Variants in UBLCP1 observed in about 807,000 individuals in gnomAD.
UBLCP1 encodes the protein ubiquitin-like domain-containing CTD phosphatase 1.
UBLCP1 carries 28 observed loss-of-function variants against 42.4 expected under a neutral mutation model. The ratio of observed to expected loss-of-function variants is 0.66; its 90% CI spans 0.49 to 0.90. UBLCP1 has a LOEUF of 0.90. Ranked by LOEUF, UBLCP1 falls within the 40% of genes least tolerant of loss-of-function variation. UBLCP1 has a pLI of 0.00. For missense variants in UBLCP1, 279 were observed against 374.5 expected, an observed-to-expected ratio of 0.75 and a Z score of 2.10; for synonymous variants, 122 against 120.8, an observed-to-expected ratio of 1.01 and a Z score of -0.07.
intron 9 of UBLCP1, among the ~76,000 whole-genome samples, chr5:159,282,754 A>C (rs1341231937): frequency 6.6e-6 from 1 of 152,114 alleles, no homozygotes; most frequent in East Asian, 1.9e-4. Context: ...ATGTATAATG[A>C]TATCTCAGCT....
In UBLCP1 at chr5:159,285,058, A is replaced by C; in HGVS notation, c.*127A>C. 1 of 835,978 alleles carries C rather than the reference A, an allele frequency of 1.2e-6. No homozygotes were observed. Among genetic ancestry groups the C allele is most frequent in the South Asian group, 1.7e-5 (1 of 58,148 alleles). 51.8% of individuals were successfully genotyped at this position (835,978 alleles called of 1,614,324 possible). A position where few individuals can be genotyped will look rare whatever the true frequency, so the allele number is the denominator to read the frequency against. On this transcript the variant is annotated 3_prime_UTR_variant, in exon 11 of 11. Transcript: ENST00000296786. ...CCATACTGCTTATACTTGGTCTTCC[A>C]GTTTTTTGTAAATTTAATTTTATAT...
At chr5:159,267,198 G>T (rs1753408623) in intron 1 of UBLCP1, among the ~76,000 whole-genome samples, 1 of 152,238 alleles carries the variant, frequency 6.6e-6, no homozygotes, top group Non-Finnish European at 1.5e-5. Flanking sequence ...AGCCACAGGG[G>T]TGGAGCTATC....
At chr5:159,268,365 A>G (rs1021568028) in intron 1 of UBLCP1, among the ~76,000 whole-genome samples, 6 of 152,236 alleles carry the variant, frequency 3.9e-5, no homozygotes, top group Non-Finnish European at 5.9e-5. Context: ...CCTAAGAAGT[A>G]GGTAGTATCA....
At chr5:159,264,907 C>T (rs1013214977) in intron 1 of UBLCP1, among the ~76,000 whole-genome samples, 3 of 152,172 alleles carry the variant, frequency 2.0e-5, no homozygotes, top group Non-Finnish European at 2.9e-5. Flanking sequence ...ACAATATATG[C>T]GATATTAGTG....
At chr5:159,274,559 T>A (rs773364624) in intron 6 of UBLCP1, 26 bp from the exon 7 acceptor site, 1 of 1,600,844 alleles carries the variant, frequency 6.2e-7, no homozygotes, top group Non-Finnish European at 8.5e-7. Context: ...TTCATATGTA[T>A]TGTATTATCA....
chr5:159,279,017 A>G (rs1479345662), intron 9 of UBLCP1, among the ~76,000 whole-genome samples: 1 of 152,238 alleles, frequency 6.6e-6, no homozygotes, highest in East Asian at 1.9e-4. Flanking sequence ...GAGAAATGGC[A>G]GTAAGGGTAC....
chr5:159,270,302 C>T (rs2113312317), intron 3 of UBLCP1, 58 bp from the exon 4 acceptor site: 2 of 1,312,000 alleles, frequency 1.5e-6, no homozygotes, highest in Non-Finnish European at 2.2e-6. Flanking sequence ...TTATGCTATG[C>T]ATGTATTTGT....
At chr5:159,275,828 G>A (rs1753529155) in intron 8 of UBLCP1, among the ~76,000 whole-genome samples, 1 of 152,142 alleles carries the variant, frequency 6.6e-6, no homozygotes, top group Admixed American at 6.5e-5. Flanking sequence ...CAATGTTACT[G>A]GGCAGAGTAG....
At chr5:159,271,240 T>A (rs188834567) in intron 5 of UBLCP1, among the ~76,000 whole-genome samples, 331 of 151,948 alleles carry the variant, frequency 2.2e-3, no homozygotes, top group Non-Finnish European at 3.5e-3. Context: ...GTGGGAGGAT[T>A]GCTTGAGCTC....
chr5:159,265,926 C>G (rs1753385980), intron 1 of UBLCP1, among the ~76,000 whole-genome samples: 1 of 152,140 alleles, frequency 6.6e-6, no homozygotes, highest in Admixed American at 6.6e-5. Context: ...TAAGGTGATT[C>G]ACCTGCCTCA....
intron 3 of UBLCP1, 92 bp downstream of exon 3, chr5:159,270,091 T>C: frequency 7.8e-6 from 9 of 1,152,996 alleles, no homozygotes; most frequent in Non-Finnish European, 1.1e-5. Context: ...GTGGTAAAAT[T>C]GTCAGTCTAG....
chr5:159,266,517 G>C (rs7734208), intron 1 of UBLCP1, among the ~76,000 whole-genome samples: 133,159 of 152,280 alleles, frequency 0.87, 58,470 homozygotes, highest in East Asian at 1. Context: ...AAAGAAAAAC[G>C]CATTTTCTGT....
intron 9 of UBLCP1, among the ~76,000 whole-genome samples, chr5:159,282,823 A>G (rs1162195852): frequency 6.6e-6 from 1 of 152,128 alleles, no homozygotes; most frequent in Non-Finnish European, 1.5e-5. Context: ...ATCTCACTGT[A>G]CTGTTAGATC....
Position 159,268,796 on chromosome 5 carries a change from C to A in UBLCP1, c.-46-74C>A, listed in dbSNP as rs909040464. 6 of 1,107,366 alleles carry A rather than the reference C, an allele frequency of 5.4e-6. No homozygotes were observed. The African/African-American group carries it at 6.6e-5, about 12-fold the overall frequency. 68.6% of individuals were successfully genotyped at this position (1,107,366 alleles called of 1,614,324 possible). A position where few individuals can be genotyped will look rare whatever the true frequency, so the allele number is the denominator to read the frequency against. ...GTTGTAAAATAAGGCTTAAACTGTA[C>A]ACATAAAACTTAAAAGTTTGGCTTC... On this transcript the variant is annotated intron_variant, in intron 1 of 10. Coordinates refer to ENST00000296786, the MANE Select transcript of UBLCP1 (RefSeq NM_145049.5).
Position 159,272,041 on chromosome 5 carries a change from A to G in UBLCP1, c.467A>G (p.Glu156Gly), listed in dbSNP as rs1753473912. ...CTTTTAGACCACAGGTCTTGTGCAG[A>G]GACTGGGGTAGAATTAATGCGGCCA... ...YTLFDHRSCA[E>G]TGVELMRPYL... Residue 156 changes from glutamate to glycine, a missense_variant, in exon 6 of 11, where the codon GAG becomes GGG. By Grantham distance (98) the Glu-to-Gly change is moderately conservative. Transcript: ENST00000296786. 6.2e-7 allele frequency: 1 copy of G among 1,612,976 alleles called. No individual in the cohort carries two copies. The highest frequency in any genetic ancestry group is 1.7e-5 in the Admixed American group (1 of 59,984).
intron 9 of UBLCP1, 123 bp downstream of exon 9, chr5:159,278,477 GAA>G: frequency 1.3e-6 from 1 of 746,404 alleles, no homozygotes; most frequent in Non-Finnish European, 2.4e-6. Context: ...TCATAGGCGA[GAA>G]AAGTTTAAGA....
At chr5:159,266,057 A>G (rs547664482) in intron 1 of UBLCP1, among the ~76,000 whole-genome samples, 1 of 152,334 alleles carries the variant, frequency 6.6e-6, no homozygotes, top group East Asian at 1.9e-4. Context: ...CATTGCTGAA[A>G]AGATACCCGA....
intron 1 of UBLCP1, among the ~76,000 whole-genome samples, chr5:159,263,700 C>T (rs1753332577): frequency 6.6e-6 from 1 of 152,184 alleles, no homozygotes; most frequent in Non-Finnish European, 1.5e-5. Context: ...CTCCACCTGC[C>T]TCCTAATGCT....
chr5:159,264,460 C>G (rs13361071), intron 1 of UBLCP1, among the ~76,000 whole-genome samples: 129 of 152,340 alleles, frequency 8.5e-4, no homozygotes, highest in African/African-American at 3.1e-3. Context: ...AACTTTTAAA[C>G]AAATCTTAAA....
Sources: allele counts gnomAD v4.1 joint callset (sites outside exome capture counted in the v4.1 genomes callset), GRCh38; gene constraint gnomAD v4.1.1; transcripts MANE v1.5; gene names NCBI Gene and HGNC (gene_info 2026-07-23, HGNC 2026-07-21).